The following CHID1 variants were observed in gnomAD, a reference collection of about 807,000 sequenced individuals.
The protein encoded by CHID1 is chitinase domain containing 1.
Under a neutral mutation model 55.4 loss-of-function variants are expected in CHID1, and 44 were observed. The observed-to-expected ratio is 0.79, with a 90% confidence interval of 0.62 to 1.02. The LOEUF is 1.02. Among genes scored for constraint, CHID1 ranks in the 50% least tolerant of loss-of-function variants. The pLI is 0.00. For missense variants in CHID1, 491 were observed against 515.3 expected (o/e 0.95, Z 0.46); for synonymous variants, 216 against 212.9 (o/e 1.01, Z -0.13).
At chr11:895,286 C>T (rs1246062000) in intron 7 of CHID1, among the ~76,000 whole-genome samples, 1 of 152,170 alleles carries the variant, frequency 6.6e-6, no homozygotes, top group Non-Finnish European at 1.5e-5. Flanking sequence ...CCACACCAGA[C>T]CTGAGGGCCA....
intron 8 of CHID1, among the ~76,000 whole-genome samples, chr11:891,624 T>G (rs1850829267): frequency 6.6e-6 from 1 of 152,114 alleles, no homozygotes; most frequent in South Asian, 2.1e-4. Flanking sequence ...GGGAGCCCCA[T>G]GAAATCAGTG....
At chr11:879,556 G>A (rs1228329659) in intron 10 of CHID1, among the ~76,000 whole-genome samples, 1 of 152,276 alleles carries the variant, frequency 6.6e-6, no homozygotes, top group African/African-American at 2.4e-5. Flanking sequence ...GCTGAGGAGA[G>A]AGGTCCTGGG....
At chr11:888,294 G>A (rs1850547055) in intron 8 of CHID1, among the ~76,000 whole-genome samples, 1 of 152,184 alleles carries the variant, frequency 6.6e-6, no homozygotes, top group Non-Finnish European at 1.5e-5. Context: ...AGAAAGAGGG[G>A]AGGGCACCAG....
rs1851943697 is a variant in CHID1 at position 903,085 on chromosome 11, T to C, written c.138A>G (p.Gln46=). 1 of 1,612,358 alleles carries C rather than the reference T, an allele frequency of 6.2e-7. No individual in the cohort carries two copies. The highest frequency in any genetic ancestry group is 1.3e-5 in the African/African-American group (1 of 74,948). The change falls in exon 3 of 13, where the codon CAA becomes CAG. Residue 46 remains glutamine, a synonymous_variant. Transcript: ENST00000323578. ...GGTCCGTCACCACCAAACCCCGGTC[T>C]TGCACCGGCTTATCTGAAAACTGAC... is the stretch of plus-strand genomic sequence containing the variant. ...EKSQFSDKPV[Q]DRGLVVTDLK...
intron 7 of CHID1, among the ~76,000 whole-genome samples, chr11:897,329 G>GT (rs1299638988): frequency 6.6e-6 from 1 of 152,312 alleles, no homozygotes; most frequent in East Asian, 1.9e-4. Context: ...GGAGCCTCTG[G>GT]TGCCATCTCA....
At chr11:871,637 G>T (rs1849182373) in intron 10 of CHID1, among the ~76,000 whole-genome samples, 1 of 57,096 alleles carries the variant, frequency 1.8e-5, no homozygotes, top group Non-Finnish European at 3.8e-5. Context: ...ACGTGCCTGG[G>T]GCTGCAGCCT....
intron 8 of CHID1, among the ~76,000 whole-genome samples, chr11:891,478 A>G (rs1850816743): frequency 6.6e-6 from 1 of 152,156 alleles, no homozygotes; most frequent in African/African-American, 2.4e-5. Flanking sequence ...TAGGGCCAGA[A>G]GCTCAGGCAG....
chr11:873,068 C>A (rs560656802), intron 10 of CHID1, among the ~76,000 whole-genome samples: 1 of 152,282 alleles, frequency 6.6e-6, no homozygotes, highest in East Asian at 1.9e-4. Flanking sequence ...CCCAAGCAGG[C>A]CCTGGGGACG....
rs189356665 is a variant in CHID1 at position 906,754 on chromosome 11, C to T, written c.-43-1895G>A. Among the ~76,000 whole-genome samples the T allele has an allele frequency of 2.7e-4, 41 of 152,286 alleles. 1 individual carries two copies. The East Asian group carries it at 7.5e-3, about 28-fold the overall frequency. ...AAACAAAACAAAAAAGTAGCCTGGGCGCGGGGGCTCACGCCTGTAATCACA... is the reference window on the plus strand; with the variant it reads ...AAACAAAACAAAAAAGTAGCCTGGGTGCGGGGGCTCACGCCTGTAATCACA... On this transcript the variant is annotated intron_variant, in intron 1 of 12. Coordinates refer to ENST00000323578, the MANE Select transcript of CHID1 (RefSeq NM_023947.4).
chr11:894,533 C>T (rs574294920), intron 7 of CHID1, among the ~76,000 whole-genome samples: 23 of 152,320 alleles, frequency 1.5e-4, no homozygotes, highest in South Asian at 1.4e-3. Context: ...CAGGGTGATA[C>T]GTCCACACTG....
rs778822701 is a variant in CHID1 at position 903,121 on chromosome 11, A to G, written c.112-10T>C. 3.7e-6 allele frequency: 6 copies of G among 1,605,832 alleles called. No individual in the cohort carries two copies. The Admixed American group carries it at 8.3e-5, about 22-fold the overall frequency. On this transcript the variant is annotated splice_polypyrimidine_tract_variant and intron_variant, in intron 2 of 12. Coordinates refer to ENST00000323578, the MANE Select transcript of CHID1 (RefSeq NM_023947.4). ...TATCTGAAAACTGACTCTGAAATAA[A>G]AGGAGTGAGAGAAAAGCCTCAGTCA...
chr11:902,651 C>T (rs954464918), intron 3 of CHID1, among the ~76,000 whole-genome samples: 3 of 134,318 alleles, frequency 2.2e-5, no homozygotes, highest in African/African-American at 7.6e-5. Context: ...GTGTGAGAAC[C>T]CACCCCTCCC....
At chr11:898,948 G>T (rs922171318) in intron 7 of CHID1, among the ~76,000 whole-genome samples, 5 of 152,200 alleles carry the variant, frequency 3.3e-5, no homozygotes, top group Non-Finnish European at 7.4e-5. Context: ...CCCCAGGAAG[G>T]CTCCCCGAAG....
chr11:895,257 G>A (rs1851175924), intron 7 of CHID1, among the ~76,000 whole-genome samples: 1 of 152,122 alleles, frequency 6.6e-6, no homozygotes, highest in South Asian at 2.1e-4. Context: ...GATGGTGGTG[G>A]GATGGCCTTC....
chr11:905,562 C>T (rs889692756), intron 1 of CHID1, among the ~76,000 whole-genome samples: 1 of 151,640 alleles, frequency 6.6e-6, no homozygotes, highest in African/African-American at 2.4e-5. Flanking sequence ...CCCAGCTACT[C>T]GGGAGGCTGA....
At chr11:888,182 G>A (rs1473570140) in intron 8 of CHID1, among the ~76,000 whole-genome samples, 2 of 152,248 alleles carry the variant, frequency 1.3e-5, no homozygotes, top group Non-Finnish European at 2.9e-5. Context: ...ACGGCCGCAG[G>A]CTAAGAACGG....
chr11:876,753 C>T lies in CHID1; in HGVS notation c.960-6254G>A, dbSNP rs556454307. ...GCACGTGTGAGCGAGTCTTGGCAGC[C>T]GTTTATTTATTCCAGCCTTGCGGGA... On this transcript the variant is annotated intron_variant, in intron 10 of 12. Coordinates refer to ENST00000323578, the MANE Select transcript of CHID1 (RefSeq NM_023947.4). Among the ~76,000 whole-genome samples the T allele has an allele frequency of 7.2e-5, 11 of 152,336 alleles. No individual in the cohort carries two copies. In the East Asian group the frequency reaches 9.6e-4, roughly 13 times the overall value.
intron 1 of CHID1, among the ~76,000 whole-genome samples, chr11:907,078 T>C (rs1453969046): frequency 2.0e-5 from 3 of 152,198 alleles, no homozygotes; most frequent in East Asian, 1.9e-4. Context: ...TATCTGGAAT[T>C]ACTGGTCATT....
rs925012649 is a variant in CHID1, at chr11:869,013, G to A, written c.*845C>T. On this transcript the variant is annotated 3_prime_UTR_variant, in exon 13 of 13. Transcript: ENST00000323578. ...AGGGGAACGAGGGCCACCAGGCCTT[G>A]GCTCATGATGCCTCCAAATTCCCCA... 1 of 152,368 alleles carries A rather than the reference G, an allele frequency of 6.6e-6. No individual in the cohort carries two copies. Among genetic ancestry groups the A allele is most frequent in the Non-Finnish European group, 1.5e-5 (1 of 68,146 alleles). 9.4% of individuals were successfully genotyped at this position (152,368 alleles called of 1,614,324 possible).
Sources: gnomAD v4.1 joint callset for allele counts (sites outside exome capture counted in the v4.1 genomes callset) on GRCh38, gnomAD v4.1.1 for gene constraint, MANE v1.5 for transcripts, NCBI Gene and HGNC (gene_info 2026-07-23, HGNC 2026-07-21) for gene names.